Variants in TMEM161B observed in about 807,000 individuals in gnomAD.
TMEM161B encodes transmembrane protein 161B.
A neutral mutation model predicts 61.8 loss-of-function variants in TMEM161B; 34 were observed. The observed-to-expected ratio is 0.55, with a 90% CI of 0.42 to 0.73. TMEM161B has a LOEUF of 0.73. Ranked by LOEUF, TMEM161B falls within the 30% of genes least tolerant of loss-of-function variation. TMEM161B has a pLI of 0.00. For synonymous variants in TMEM161B, 167 were observed against 192.8 expected (o/e 0.87, Z 1.11); for missense variants, 456 against 558.5 (o/e 0.82, Z 1.85).
chr5:88,257,948 C>T (rs145934693), intron 1 of TMEM161B, among the ~76,000 whole-genome samples: 197 of 152,272 alleles, frequency 1.3e-3, no homozygotes, highest in African/African-American at 4.5e-3. Context: ...GGCCAATTCT[C>T]TCTTTTTAAA....
rs764112016 is a variant in TMEM161B at position 88,220,727 on chromosome 5, GAAAAAAAAAAAAA to G, written c.290-21_290-9del. 435 of 602,810 alleles carry G rather than the reference GAAAAAAAAAAAAA, an allele frequency of 7.2e-4. 1 individual carries two copies. The highest frequency in any genetic ancestry group is 8.4e-4 in the Non-Finnish European group (403 of 480,632). The allele number at this position is 602,810 out of a possible 1,614,324, so 37.3% of individuals were successfully genotyped here. A position where few individuals can be genotyped will look rare whatever the true frequency, so the allele number is the denominator to read the frequency against. On this transcript the variant is annotated splice_polypyrimidine_tract_variant and intron_variant, in intron 4 of 11. Coordinates refer to ENST00000296595, the MANE Select transcript of TMEM161B (RefSeq NM_153354.5). ...CTGGAAAGTAATGCAATGCTGGAAAGAAAAAAAAAAAAAAAAAAAAAAAAGGTCAAAAAAAACA... is the reference window on the plus strand; with the variant it reads ...CTGGAAAGTAATGCAATGCTGGAAAGAAAAAAAAAAAGGTCAAAAAAAACA...
downstream of TMEM161B, among the ~76,000 whole-genome samples, chr5:88,192,916 G>T (rs1198994515): frequency 6.6e-6 from 1 of 152,056 alleles, no homozygotes; most frequent in East Asian, 1.9e-4. Context: ...ATTTCATAAT[G>T]AATTCTATTT....
chr5:88,199,942 TC>T (rs1561303259), intron 9 of TMEM161B: 1 of 152,012 alleles, frequency 6.6e-6, no homozygotes, highest in Non-Finnish European at 1.5e-5. Context: ...TGGCATCTAG[TC>T]TTATATCTAG....
intron 1 of TMEM161B, among the ~76,000 whole-genome samples, chr5:88,244,927 G>A (rs1753365504): frequency 6.6e-6 from 1 of 151,686 alleles, no homozygotes; most frequent in South Asian, 2.1e-4. Flanking sequence ...TTGCATTCGT[G>A]ACCTGGCTCT....
At chr5:88,224,578 T>TG (rs1749644542) in intron 4 of TMEM161B, among the ~76,000 whole-genome samples, 1 of 152,252 alleles carries the variant, frequency 6.6e-6, no homozygotes. Context: ...TTTTCTGATT[T>TG]GTAATCCAGT....
chr5:88,241,536 C>G (rs1752734193), intron 1 of TMEM161B, among the ~76,000 whole-genome samples: 1 of 151,840 alleles, frequency 6.6e-6, no homozygotes, highest in Non-Finnish European at 1.5e-5. Flanking sequence ...ATTAGCTTGA[C>G]AAGCTTTAAA....
At chr5:88,190,061 C>T (rs182390183), downstream of TMEM161B, 3 of 700,150 alleles carry the variant, frequency 4.3e-6, no homozygotes, top group Non-Finnish European at 7.8e-6. Context: ...CTCAAAGAAG[C>T]ACATGGGTTA....
chr5:88,262,062 T>A (rs1404012525), intron 1 of TMEM161B, among the ~76,000 whole-genome samples: 1 of 152,128 alleles, frequency 6.6e-6, no homozygotes, highest in East Asian at 1.9e-4. Flanking sequence ...TAACAAACTC[T>A]TAATTAAAAC....
chr5:88,257,891 T>G (rs969041517), intron 1 of TMEM161B, among the ~76,000 whole-genome samples: 1 of 152,218 alleles, frequency 6.6e-6, no homozygotes, highest in Non-Finnish European at 1.5e-5. Flanking sequence ...GACTTGTGAA[T>G]GCCAACAGTT....
intron 5 of TMEM161B, among the ~76,000 whole-genome samples, chr5:88,207,835 TCTC>T (rs1207381629): frequency 1.3e-5 from 2 of 152,112 alleles, no homozygotes; most frequent in African/African-American, 2.4e-5. Context: ...ACCAAATTGT[TCTC>T]CTTGAAATCG....
chr5:88,199,207 C>T (rs971764284), intron 9 of TMEM161B, 57 bp from the exon 10 acceptor site: 13 of 1,500,016 alleles, frequency 8.7e-6, no homozygotes, highest in South Asian at 1.3e-5. Flanking sequence ...CTAGCATGCT[C>T]GTTATATGTT....
intron 1 of TMEM161B, among the ~76,000 whole-genome samples, chr5:88,247,593 T>C (rs1310784061): frequency 1.3e-5 from 2 of 152,138 alleles, no homozygotes; most frequent in Admixed American, 6.6e-5. Flanking sequence ...GCAAGATATG[T>C]TGAGACAGAC....
chr5:88,262,805 A>AT lies in TMEM161B; in HGVS notation c.3+5915dup, dbSNP rs547407383. ...TTTACCACTCTGGTGAAGGATGTTG[A>AT]TAATAGTAGAGGACATGCATGTGTG... On this transcript the variant is annotated intron_variant, in intron 1 of 11. Coordinates refer to ENST00000296595, the MANE Select transcript of TMEM161B (RefSeq NM_153354.5). Among the ~76,000 whole-genome samples the AT allele has an allele frequency of 2.4e-3, 373 of 152,286 alleles. 1 individual carries two copies. The highest frequency in any genetic ancestry group is 8.6e-3 in the African/African-American group (357 of 41,568).
At chr5:88,249,474 A>G (rs1166672105) in intron 1 of TMEM161B, among the ~76,000 whole-genome samples, 1 of 152,134 alleles carries the variant, frequency 6.6e-6, no homozygotes, top group Non-Finnish European at 1.5e-5. Flanking sequence ...GGAATACAAG[A>G]TTTCTAAAAT....
intron 1 of TMEM161B, among the ~76,000 whole-genome samples, chr5:88,247,614 T>C (rs988597326): frequency 4.6e-5 from 7 of 152,130 alleles, no homozygotes; most frequent in African/African-American, 1.7e-4. Flanking sequence ...TTCTTAGGGA[T>C]GCTCATATAA....
intron 5 of TMEM161B, among the ~76,000 whole-genome samples, chr5:88,219,293 G>A (rs1166753454): frequency 4.6e-5 from 7 of 152,130 alleles, no homozygotes; most frequent in East Asian, 3.9e-4. Flanking sequence ...CCAAAGATAC[G>A]TGCTTAATCC....
chr5:88,236,049 T>C (rs1751793249), intron 2 of TMEM161B, among the ~76,000 whole-genome samples: 1 of 152,174 alleles, frequency 6.6e-6, no homozygotes. Context: ...ATCTGAATGG[T>C]AGGTTTCTCT....
At chr5:88,267,616 C>T (rs1229145932) in intron 1 of TMEM161B, among the ~76,000 whole-genome samples, 1 of 152,034 alleles carries the variant, frequency 6.6e-6, no homozygotes, top group Non-Finnish European at 1.5e-5. Context: ...ACCAGAGCCC[C>T]GTGATCTTGA....
intron 1 of TMEM161B, among the ~76,000 whole-genome samples, chr5:88,257,156 C>A (rs1051429722): frequency 9.4e-4 from 143 of 152,174 alleles, no homozygotes; most frequent in African/African-American, 3.3e-3. Context: ...GTAATCCCAG[C>A]TACTTGGGAG....
Sources: allele counts gnomAD v4.1 joint callset (sites outside exome capture counted in the v4.1 genomes callset), GRCh38; gene constraint gnomAD v4.1.1; transcripts MANE v1.5; gene names NCBI Gene and HGNC (gene_info 2026-07-23, HGNC 2026-07-21).